Variants in TMEM185B observed in about 807,000 individuals in gnomAD.
The protein encoded by TMEM185B is transmembrane protein 185B.
TMEM185B carries 9 observed loss-of-function variants against 26.2 expected under a neutral mutation model. The ratio of observed to expected loss-of-function variants is 0.34; its 90% CI spans 0.21 to 0.60. TMEM185B has a LOEUF of 0.60. Among genes scored for constraint, TMEM185B ranks in the 20% least tolerant of loss-of-function variants. The pLI, the probability that TMEM185B is intolerant of heterozygous loss-of-function variation, is 0.80. For missense variants in TMEM185B, 392 were observed against 447.9 expected (o/e 0.88, Z 1.13); for synonymous variants, 204 against 191.8 (o/e 1.06, Z -0.52).
At position 120,222,302 on chromosome 2, in the gene TMEM185B, G is replaced by C. The variant is rs1201872542; in HGVS notation, c.675C>G (p.Leu225=). Residue 225 remains leucine, a synonymous_variant, in exon 1 of 1, where the codon CTC becomes CTG. Transcript: ENST00000426077. Reference sequence around the variant, plus strand: ...TGTGAACCAGCAGGACCTCAAAAGTGAGCAGAGGCACGACAATCGTTATCC... The same window carrying C: ...TGTGAACCAGCAGGACCTCAAAAGTCAGCAGAGGCACGACAATCGTTATCC... ...ISWITIVVPL[L]TFEVLLVHRL... 1 of 1,536,222 alleles carries C rather than the reference G, an allele frequency of 6.5e-7. No individual in the cohort carries two copies. The highest frequency in any genetic ancestry group is 8.7e-7 in the Non-Finnish European group (1 of 1,146,924).
Position 120,218,892 on chromosome 2 carries a change from T to C in TMEM185B, c.*3032A>G, listed in dbSNP as rs1023879457. Among the ~76,000 whole-genome samples the C allele has an allele frequency of 1.3e-5, 2 of 152,264 alleles. No homozygotes were observed. The highest frequency in any genetic ancestry group is 2.9e-5 in the Non-Finnish European group (2 of 68,052). On this transcript the variant is annotated 3_prime_UTR_variant, in exon 1 of 1. Coordinates refer to ENST00000426077, the MANE Select transcript of TMEM185B (RefSeq NM_024121.3). ...CGGAGTGACAGCCCCCTGTGTGGAC[T>C]GTGCTTGTTCCTTGGCCATGCACTG...
In TMEM185B at chr2:120,223,045, T is replaced by G; in HGVS notation, c.-69A>C. ...CGCTCGGCGCTCGCGTCTCCGCGGCTTCTCCGGCCGCCGCCTCCCGGGCCC... is the reference window on the plus strand; with the variant it reads ...CGCTCGGCGCTCGCGTCTCCGCGGCGTCTCCGGCCGCCGCCTCCCGGGCCC... On this transcript the variant is annotated 5_prime_UTR_variant, in exon 1 of 1. Coordinates refer to ENST00000426077, the MANE Select transcript of TMEM185B (RefSeq NM_024121.3). The G allele has an allele frequency of 5.0e-6, 6 of 1,193,390 alleles. No homozygotes were observed. The highest frequency in any genetic ancestry group is 1.6e-5 in the African/African-American group (1 of 62,594). The allele number at this position is 1,193,390 out of a possible 1,614,324, so 73.9% of individuals were successfully genotyped here. A position where few individuals can be genotyped will look rare whatever the true frequency, so the allele number is the denominator to read the frequency against.
chr2:120,221,834 GAAGCCTGTTTCCATTTCC>G lies in TMEM185B; in HGVS notation c.*72_*89del, dbSNP rs1688591736. 9.2e-7 allele frequency: 1 copy of G among 1,084,420 alleles called. No homozygotes were observed. Among genetic ancestry groups the G allele is most frequent in the Admixed American group, 2.8e-5 (1 of 35,144 alleles). 67.2% of individuals were successfully genotyped at this position (1,084,420 alleles called of 1,614,324 possible). The stretch of plus-strand genomic sequence containing the variant: ...CAAACACGGCGTGAGACGAGTGTTT[GAAGCCTGTTTCCATTTCC>G]AGGTTTGGGATGAATGAACAAGAGG... On this transcript the variant is annotated 3_prime_UTR_variant, in exon 1 of 1. Transcript: ENST00000426077.
chr2:120,222,547 T>G lies in TMEM185B; in HGVS notation c.430A>C (p.Ile144Leu), dbSNP rs1181875035. Residue 144 changes from isoleucine to leucine, a missense_variant, in exon 1 of 1, where the codon ATC (isoleucine) becomes CTC (leucine). Around this residue, in one of 3 missense-constraint regions of TMEM185B, gnomAD observed 41 missense variants for 77.3 expected, o/e 0.53. Transcript: ENST00000426077. The stretch of plus-strand genomic sequence containing the variant: ...TGCAGGATGTTGACCGAGCACAGGA[T>G]CTCCAGCTCCAGCGACCTATCGTGT... Reference protein sequence around the residue: ...FRHDRSLELEILCSVNILQFI... With the variant: ...FRHDRSLELELLCSVNILQFI... 66 of 1,536,064 alleles carry G rather than the reference T, an allele frequency of 4.3e-5. No individual in the cohort carries two copies. The highest frequency in any genetic ancestry group is 5.6e-5 in the Non-Finnish European group (64 of 1,146,928).
Position 120,223,007 on chromosome 2 carries a change from T to C in TMEM185B, c.-31A>G. The C allele has an allele frequency of 1.8e-5, 24 of 1,364,998 alleles. No individual in the cohort carries two copies. The highest frequency in any genetic ancestry group is 2.3e-5 in the Non-Finnish European group (24 of 1,060,556). 84.6% of individuals were successfully genotyped at this position (1,364,998 alleles called of 1,614,324 possible). A position where few individuals can be genotyped will look rare whatever the true frequency, so the allele number is the denominator to read the frequency against. ...AGGCCGCCGCTTGCCTGCCCGGGCCTGCTCCCTCGCGACGCTCGGCGCTCG... is the reference window on the plus strand; with the variant it reads ...AGGCCGCCGCTTGCCTGCCCGGGCCCGCTCCCTCGCGACGCTCGGCGCTCG... On this transcript the variant is annotated 5_prime_UTR_variant, in exon 1 of 1. Coordinates refer to ENST00000426077, the MANE Select transcript of TMEM185B (RefSeq NM_024121.3).
rs1688587643 is a variant in TMEM185B at position 120,221,656 on chromosome 2, T to C, written c.*268A>G. The C allele has an allele frequency of 1.0e-5, 5 of 478,270 alleles. No homozygotes were observed. Among genetic ancestry groups the C allele is most frequent in the Non-Finnish European group, 1.8e-5 (5 of 270,422 alleles). The allele number at this position is 478,270 out of a possible 1,614,324, so 29.6% of individuals were successfully genotyped here. A position where few individuals can be genotyped will look rare whatever the true frequency, so the allele number is the denominator to read the frequency against. ...ACAAACAGCTGTGTGGTTATTCCTTTTGAGGACCTACTAAAACAATTCGAC... is the reference window on the plus strand; with the variant it reads ...ACAAACAGCTGTGTGGTTATTCCTTCTGAGGACCTACTAAAACAATTCGAC... On this transcript the variant is annotated 3_prime_UTR_variant, in exon 1 of 1. Coordinates refer to ENST00000426077, the MANE Select transcript of TMEM185B (RefSeq NM_024121.3).
rs974809594 is a variant in TMEM185B at position 120,220,170 on chromosome 2, A to C, written c.*1754T>G. ...TATTTTAATGTTTTATATAGGGCAAAAATAGTGAATTTAGGGTTATGTGTT... is the reference window on the plus strand; with the variant it reads ...TATTTTAATGTTTTATATAGGGCAACAATAGTGAATTTAGGGTTATGTGTT... On this transcript the variant is annotated 3_prime_UTR_variant, in exon 1 of 1. Coordinates refer to ENST00000426077, the MANE Select transcript of TMEM185B (RefSeq NM_024121.3). Among the ~76,000 whole-genome samples, 6 of 152,196 alleles carry C rather than the reference A, an allele frequency of 3.9e-5. No individual in the cohort carries two copies. The highest frequency in any genetic ancestry group is 1.4e-4 in the African/African-American group (6 of 41,450).
Position 120,223,081 on chromosome 2 carries a change from G to A in TMEM185B, c.-105C>T, listed in dbSNP as rs767807072. 347 of 858,622 alleles carry A rather than the reference G, an allele frequency of 4.0e-4. 1 individual carries two copies. The highest frequency in any genetic ancestry group is 5.1e-4 in the Non-Finnish European group (323 of 637,992). 53.2% of individuals were successfully genotyped at this position (858,622 alleles called of 1,614,324 possible). ...CCGCCTCCCGGGCCCCGCCCAAGCC[G>A]GCTCCGCGTGGACGAATGCCGGGAC... On this transcript the variant is annotated 5_prime_UTR_variant, in exon 1 of 1. Transcript: ENST00000426077.
rs936524885 is a variant in TMEM185B, at chr2:120,221,617, A to G, written c.*307T>C. On this transcript the variant is annotated 3_prime_UTR_variant, in exon 1 of 1. Coordinates refer to ENST00000426077, the MANE Select transcript of TMEM185B (RefSeq NM_024121.3). ...TTTTTAAACAATAGTTTTGATAGGT[A>G]CAGTAGCATTTAAACAAACAGCTGT... The G allele has an allele frequency of 1.9e-5, 7 of 378,076 alleles. No homozygotes were observed. In the Admixed American group the frequency reaches 3.0e-4, roughly 16 times the overall value. The allele number at this position is 378,076 out of a possible 1,614,324, so 23.4% of individuals were successfully genotyped here.
In TMEM185B at chr2:120,222,605, G is replaced by C. The variant is rs1309171479; in HGVS notation, c.372C>G (p.Pro124=). The C allele has an allele frequency of 6.5e-7, 1 of 1,536,458 alleles. No individual in the cohort carries two copies. Among genetic ancestry groups the C allele is most frequent in the East Asian group, 2.4e-5 (1 of 40,916 alleles). The change falls in exon 1 of 1, where the codon CCC becomes CCG. Residue 124 remains proline (P), a synonymous_variant. Transcript: ENST00000426077. ...LVFMPLFFVS[P]VSVAACVWGF... Reference sequence around the variant, plus strand: ...CCCAGACGCAGGCAGCCACGGACACGGGGGACACGAAGAAGAGAGGCATGA... The same window carrying C: ...CCCAGACGCAGGCAGCCACGGACACCGGGGACACGAAGAAGAGAGGCATGA...
Position 120,222,263 on chromosome 2 carries a change from G to C in TMEM185B, c.714C>G (p.His238Gln). ...EVLLVHRLDG[H>Q]NTFSYVSIFV... Reference sequence around the variant, plus strand: ...ATATGGAGACGTAGGAGAATGTATTGTGGCCATCCAATCTGTGAACCAGCA... The same window carrying C: ...ATATGGAGACGTAGGAGAATGTATTCTGGCCATCCAATCTGTGAACCAGCA... Residue 238 changes from histidine to glutamine, a missense_variant, in exon 1 of 1, where the codon CAC (histidine) becomes CAG (glutamine). Physicochemically the swap from His to Gln is conservative, Grantham distance 24. This residue lies in a region of TMEM185B where 176 missense variants were observed against 201.6 expected (regional missense o/e 0.87). Coordinates refer to ENST00000426077, the MANE Select transcript of TMEM185B (RefSeq NM_024121.3). 1.3e-6 allele frequency: 2 copies of C among 1,536,392 alleles called. No individual in the cohort carries two copies. Among genetic ancestry groups the C allele is most frequent in the Non-Finnish European group, 1.7e-6 (2 of 1,146,940 alleles).
In TMEM185B at chr2:120,219,402, G is replaced by C. The variant is rs1688550442; in HGVS notation, c.*2522C>G. ...GGTCCTGACAGCGGATGGCCTACCT[G>C]GTGAGAAAGCTTGTTTCCACACTAG... is the stretch of plus-strand genomic sequence containing the variant. On this transcript the variant is annotated 3_prime_UTR_variant, in exon 1 of 1. Coordinates refer to ENST00000426077, the MANE Select transcript of TMEM185B (RefSeq NM_024121.3). Among the ~76,000 whole-genome samples the C allele has an allele frequency of 6.6e-6, 1 of 152,150 alleles. No homozygotes were observed. Among genetic ancestry groups the C allele is most frequent in the African/African-American group, 2.4e-5 (1 of 41,408 alleles).
At position 120,220,847 on chromosome 2, in the gene TMEM185B, G is replaced by T. The variant is rs1688575587; in HGVS notation, c.*1077C>A. On this transcript the variant is annotated 3_prime_UTR_variant, in exon 1 of 1. Transcript: ENST00000426077. ...GTTTCCCTATTGCTGACAGATTAAA[G>T]TTTGGCCCTTAAAATGACACCTGCT... Among the ~76,000 whole-genome samples, 1 of 152,192 alleles carries T rather than the reference G, an allele frequency of 6.6e-6. No individual in the cohort carries two copies. Among genetic ancestry groups the T allele is most frequent in the Non-Finnish European group, 1.5e-5 (1 of 68,030 alleles).
Position 120,223,040 on chromosome 2 carries a change from G to A in TMEM185B, c.-64C>T. On this transcript the variant is annotated 5_prime_UTR_variant, in exon 1 of 1. Transcript: ENST00000426077. The stretch of plus-strand genomic sequence containing the variant: ...CGCGACGCTCGGCGCTCGCGTCTCC[G>A]CGGCTTCTCCGGCCGCCGCCTCCCG... The A allele has an allele frequency of 7.2e-6, 9 of 1,243,754 alleles. No homozygotes were observed. Among genetic ancestry groups the A allele is most frequent in the Non-Finnish European group, 8.2e-6 (8 of 979,866 alleles). The allele number at this position is 1,243,754 out of a possible 1,614,324, so 77.0% of individuals were successfully genotyped here. A position where few individuals can be genotyped will look rare whatever the true frequency, so the allele number is the denominator to read the frequency against.
rs926405543 is a variant in TMEM185B, at chr2:120,221,551, A to G, written c.*373T>C. ...CATTTGCTATTGTTATGACAGGCAC[A>G]ATCTGAAATACAATTTTAGATTAGC... is the stretch of plus-strand genomic sequence containing the variant. On this transcript the variant is annotated 3_prime_UTR_variant, in exon 1 of 1. Coordinates refer to ENST00000426077, the MANE Select transcript of TMEM185B (RefSeq NM_024121.3). 2 of 178,156 alleles carry G rather than the reference A, an allele frequency of 1.1e-5. No homozygotes were observed. Among genetic ancestry groups the G allele is most frequent in the Admixed American group, 5.9e-5 (1 of 16,898 alleles). 11.0% of individuals were successfully genotyped at this position (178,156 alleles called of 1,614,324 possible). A position where few individuals can be genotyped will look rare whatever the true frequency, so the allele number is the denominator to read the frequency against.
rs1028640476 is a variant in TMEM185B, at chr2:120,219,330, C to A, written c.*2594G>T. Reference sequence around the variant, plus strand: ...AGGCACTGAAGTGCTCGCAGCCTCACAGATCGAACGACTTCCTACAACCTG... The same window carrying A: ...AGGCACTGAAGTGCTCGCAGCCTCAAAGATCGAACGACTTCCTACAACCTG... On this transcript the variant is annotated 3_prime_UTR_variant, in exon 1 of 1. Transcript: ENST00000426077. Among the ~76,000 whole-genome samples the A allele has an allele frequency of 1.1e-4, 17 of 152,356 alleles. No homozygotes were observed. Among genetic ancestry groups the A allele is most frequent in the African/African-American group, 4.1e-4 (17 of 41,584 alleles).
rs1295702201 is a variant in TMEM185B at position 120,222,853 on chromosome 2, C to T, written c.124G>A (p.Ala42Thr). The change falls in exon 1 of 1, where the codon GCC becomes ACC. Residue 42 changes from alanine to threonine, a missense_variant. By Grantham distance (58) the Ala-to-Thr change is moderately conservative. Transcript: ENST00000426077. ...LDGIIQWSYW[A>T]VFAPIWLWKL... ...CACAGCCATATGGGGGCAAAGACGG[C>T]CCAGTAGCTCCATTGGATGATGCCG... 1 of 1,485,950 alleles carries T rather than the reference C, an allele frequency of 6.7e-7. No homozygotes were observed. Among genetic ancestry groups the T allele is most frequent in the South Asian group, 1.3e-5 (1 of 75,482 alleles). The allele number at this position is 1,485,950 out of a possible 1,614,324, so 92.0% of individuals were successfully genotyped here. A position where few individuals can be genotyped will look rare whatever the true frequency, so the allele number is the denominator to read the frequency against.
Position 120,221,994 on chromosome 2 carries a change from A to G in TMEM185B, c.983T>C (p.Val328Ala). 1 of 1,538,216 alleles carries G rather than the reference A, an allele frequency of 6.5e-7. No homozygotes were observed. Among genetic ancestry groups the G allele is most frequent in the Non-Finnish European group, 8.7e-7 (1 of 1,146,870 alleles). Reference sequence around the variant, plus strand: ...TTTCCCAGGGCTCTGGGTTATAACTACTCTGGCCTTCTTTCCAAATATTGG... The same window carrying G: ...TTTCCCAGGGCTCTGGGTTATAACTGCTCTGGCCTTCTTTCCAAATATTGG... ...IAPIFGKKAR[V>A]VITQSPGKYV... Residue 328 changes from valine (V) to alanine (A), a missense_variant, in exon 1 of 1, where the codon GTA (valine) becomes GCA (alanine). Physicochemically the swap from Val to Ala is moderately conservative, Grantham distance 64. This residue lies in a region of TMEM185B where 176 missense variants were observed against 201.6 expected (regional missense o/e 0.87). Transcript: ENST00000426077.
In TMEM185B at chr2:120,223,247, G is replaced by C. The variant is rs957615359; in HGVS notation, c.-271C>G. ...GCGGTTACAAACTGGGCGCTGCCTCGGTCCCGCCGCCGCCCGCGTTCACTC... is the reference window on the plus strand; with the variant it reads ...GCGGTTACAAACTGGGCGCTGCCTCCGTCCCGCCGCCGCCCGCGTTCACTC... On this transcript the variant is annotated 5_prime_UTR_variant, in exon 1 of 1. Transcript: ENST00000426077. 2 of 274,352 alleles carry C rather than the reference G, an allele frequency of 7.3e-6. No individual in the cohort carries two copies. Among genetic ancestry groups the C allele is most frequent in the Non-Finnish European group, 1.4e-5 (2 of 146,874 alleles). 17.0% of individuals were successfully genotyped at this position (274,352 alleles called of 1,614,324 possible). A position where few individuals can be genotyped will look rare whatever the true frequency, so the allele number is the denominator to read the frequency against.
Sources: gnomAD v4.1 joint callset for allele counts (sites outside exome capture counted in the v4.1 genomes callset) on GRCh38, gnomAD v4.1.1 for gene constraint, gnomAD v4.1.1 regional missense constraint, MANE v1.5 for transcripts, NCBI Gene and HGNC (gene_info 2026-07-23, HGNC 2026-07-21) for gene names.